The following LRRIQ1 variants were observed in gnomAD, a reference collection of about 807,000 sequenced individuals.
LRRIQ1 encodes the protein leucine rich repeats and IQ motif containing 1.
A neutral mutation model predicts 211.9 loss-of-function variants in LRRIQ1; 210 were observed. The ratio of observed to expected loss-of-function variants is 0.99; its 90% CI spans 0.89 to 1.11. The LOEUF (loss-of-function observed/expected upper bound fraction) is 1.11. LRRIQ1 is among the 50% of genes most tolerant of loss of function. The probability of loss-of-function intolerance (pLI) is 0.00; values close to 1 mark genes in which losing one functional copy is unlikely to be tolerated. For synonymous variants in LRRIQ1, 699 were observed against 650.1 expected (o/e 1.08, Z -1.14); for missense variants, 2,136 against 1,939.5 (o/e 1.10, Z -1.90).
chr12:85,137,954 T>A lies in LRRIQ1; in HGVS notation c.4314T>A (p.Asp1438Glu). ...AATACAGAGAAATAGATTTAGAGGATTTTATATTTGATGAAGTAAGTACGA... is the reference window on the plus strand; with the variant it reads ...AATACAGAGAAATAGATTTAGAGGAATTTATATTTGATGAAGTAAGTACGA... ...DEEYREIDLE[D>E]FIFDEAALEE... Residue 1438 changes from aspartate (D) to glutamate (E), a missense_variant, in exon 19 of 27, where the codon GAT becomes GAA. By Grantham distance (45) the Asp-to-Glu change is conservative. Transcript: ENST00000393217. 6.9e-7 allele frequency: 1 copy of A among 1,453,654 alleles called. No individual in the cohort carries two copies. Among genetic ancestry groups the A allele is most frequent in the Non-Finnish European group, 9.6e-7 (1 of 1,046,608 alleles). The allele number at this position is 1,453,654 out of a possible 1,614,324, so 90.0% of individuals were successfully genotyped here. A position where few individuals can be genotyped will look rare whatever the true frequency, so the allele number is the denominator to read the frequency against.
chr12:85,088,908 T>C (rs1885100568), intron 11 of LRRIQ1, among the ~76,000 whole-genome samples: 1 of 152,226 alleles, frequency 6.6e-6, no homozygotes, highest in Non-Finnish European at 1.5e-5. Context: ...TGACTTCCTC[T>C]TTTCCTAATT....
At chr12:85,210,482 G>A (rs957686541) in intron 24 of LRRIQ1, among the ~76,000 whole-genome samples, 1 of 152,150 alleles carries the variant, frequency 6.6e-6, no homozygotes, top group Non-Finnish European at 1.5e-5. Flanking sequence ...AAACTAAAAT[G>A]TAAATGTCTT....
intron 11 of LRRIQ1, among the ~76,000 whole-genome samples, chr12:85,089,386 G>A (rs1470360032): frequency 2.6e-5 from 4 of 152,348 alleles, no homozygotes; most frequent in African/African-American, 9.6e-5. Context: ...AGAGTTTGGA[G>A]GGCTTAGAAG....
intron 10 of LRRIQ1, among the ~76,000 whole-genome samples, chr12:85,068,933 A>T (rs1882747063): frequency 6.7e-6 from 1 of 150,104 alleles, no homozygotes; most frequent in Non-Finnish European, 1.5e-5. Flanking sequence ...TTATTTATTT[A>T]TTTATTTAAT....
Position 85,056,402 on chromosome 12 carries a change from G to C in LRRIQ1, c.1609G>C (p.Glu537Gln), listed in dbSNP as rs1161443022. 6.3e-7 allele frequency: 1 copy of C among 1,586,820 alleles called. No homozygotes were observed. The highest frequency in any genetic ancestry group is 8.5e-7 in the Non-Finnish European group (1 of 1,172,852). Residue 537 changes from glutamate (E) to glutamine (Q), a missense_variant, in exon 8 of 27, where the codon GAA (glutamate) becomes CAA (glutamine). Coordinates refer to ENST00000393217, the MANE Select transcript of LRRIQ1 (RefSeq NM_001079910.2). ...LQELKSDAQK[E>Q]EKIMKHVINE... is the part of the protein sequence containing the mutation. ...AGAATTAAAGTCTGATGCACAAAAA[G>C]AAGAAAAAATCATGAAACATGTCAT... is the stretch of plus-strand genomic sequence containing the variant.
At chr12:85,161,768 T>A (rs1008651703) in intron 24 of LRRIQ1, among the ~76,000 whole-genome samples, 2 of 152,066 alleles carry the variant, frequency 1.3e-5, no homozygotes, top group African/African-American at 4.8e-5. Context: ...AGTCTGGGCG[T>A]GATGGCTCAC....
chr12:85,167,389 G>A (rs1010690784), intron 24 of LRRIQ1, among the ~76,000 whole-genome samples: 2 of 152,132 alleles, frequency 1.3e-5, no homozygotes, highest in Non-Finnish European at 2.9e-5. Context: ...AAGCCAGCCC[G>A]AGTCTCAAAA....
At chr12:85,042,480 T>G (rs2135886970) in intron 3 of LRRIQ1, among the ~76,000 whole-genome samples, 1 of 148,376 alleles carries the variant, frequency 6.7e-6, no homozygotes, top group Admixed American at 6.7e-5. Context: ...TTATTAAATT[T>G]ATTATCATCA....
intron 26 of LRRIQ1, chr12:85,232,974 CAG>C (rs1593005004): frequency 2.2e-6 from 1 of 460,868 alleles, no homozygotes; most frequent in East Asian, 3.9e-5. Flanking sequence ...TTTTATGTGA[CAG>C]ATGTAAAAAT....
intron 7 of LRRIQ1, among the ~76,000 whole-genome samples, chr12:85,055,039 AG>A (rs1880814690): frequency 6.6e-6 from 1 of 152,262 alleles, no homozygotes; most frequent in South Asian, 2.1e-4. Flanking sequence ...ATATGTGAGT[AG>A]GCTGGTTCTG....
intron 10 of LRRIQ1, among the ~76,000 whole-genome samples, chr12:85,070,574 T>G (rs1172086714): frequency 6.6e-6 from 1 of 151,976 alleles, no homozygotes; most frequent in Non-Finnish European, 1.5e-5. Flanking sequence ...GTTTTTTGTT[T>G]GTTTGTTTAG....
intron 1 of LRRIQ1, among the ~76,000 whole-genome samples, chr12:85,259,023 A>G (rs1027433068): frequency 6.6e-6 from 1 of 152,058 alleles, no homozygotes; most frequent in Non-Finnish European, 1.5e-5. Context: ...TTAAAGGACC[A>G]GAACAAATCT....
intron 24 of LRRIQ1, among the ~76,000 whole-genome samples, chr12:85,206,818 C>A (rs1893574599): frequency 6.6e-6 from 1 of 152,054 alleles, no homozygotes; most frequent in Non-Finnish European, 1.5e-5. Flanking sequence ...GGGAGGCCGG[C>A]AGACAGAGGG....
chr12:85,147,261 G>A (rs1211268186), intron 19 of LRRIQ1, among the ~76,000 whole-genome samples: 2 of 151,676 alleles, frequency 1.3e-5, no homozygotes, highest in Non-Finnish European at 2.9e-5. Context: ...ACAGGAAGGG[G>A]CAAAAATCCA....
At chr12:85,135,318 T>C (rs888930770) in intron 18 of LRRIQ1, among the ~76,000 whole-genome samples, 1 of 151,878 alleles carries the variant, frequency 6.6e-6, no homozygotes, top group Non-Finnish European at 1.5e-5. Context: ...GATTCAGGTT[T>C]TTTTTTTAGC....
In LRRIQ1 at chr12:85,098,367, C is replaced by A; in HGVS notation, c.2900C>A (p.Ser967Tyr). 6.2e-7 allele frequency: 1 copy of A among 1,604,266 alleles called. No homozygotes were observed. Residue 967 changes from serine (S) to tyrosine (Y), a missense_variant, in exon 12 of 27, where the codon TCT becomes TAT. Physicochemically the swap from Ser to Tyr is moderately radical, Grantham distance 144. Transcript: ENST00000393217. ...SHLYWNCGLE[S>Y]LKNLQQLILD... ...TTTTTTCTTCTAGGTGGTTTAGAAT[C>A]TTTGAAAAATCTTCAACAACTAATT...
intron 3 of LRRIQ1, among the ~76,000 whole-genome samples, chr12:85,041,772 G>C (rs1327512303): frequency 2.0e-5 from 3 of 151,788 alleles, no homozygotes; most frequent in Non-Finnish European, 4.4e-5. Flanking sequence ...TGACTGTGTA[G>C]AGAATATGCC....
Position 85,133,069 on chromosome 12 carries a change from A to G in LRRIQ1, c.4210-4781A>G, listed in dbSNP as rs545008982. On this transcript the variant is annotated intron_variant, in intron 18 of 26. Transcript: ENST00000393217. ...TTTTCTTATTTGTTGAACTAAGTGA[A>G]TAAAGTTGTCAGAAATAAAGCATCA... is the stretch of plus-strand genomic sequence containing the variant. Among the ~76,000 whole-genome samples the G allele has an allele frequency of 1.1e-4, 17 of 152,260 alleles. No individual in the cohort carries two copies. In the South Asian group the frequency reaches 2.9e-3, roughly 26 times the overall value.
rs749984715 is a variant in LRRIQ1 at position 85,056,275 on chromosome 12, A to G, written c.1482A>G (p.Glu494=). 38 of 1,580,944 alleles carry G rather than the reference A, an allele frequency of 2.4e-5. No individual in the cohort carries two copies. Among genetic ancestry groups the G allele is most frequent in the Non-Finnish European group, 2.9e-5 (34 of 1,171,750 alleles). Residue 494 remains glutamate (E), a synonymous_variant, in exon 8 of 27, where the codon GAA becomes GAG. Transcript: ENST00000393217. ...NENLAKKRCS[E]ELVKQERKYE... The stretch of plus-strand genomic sequence containing the variant: ...ACCTAGCAAAAAAACGATGTTCAGA[A>G]GAATTGGTCAAGCAAGAAAGAAAAT...
Sources: allele counts gnomAD v4.1 joint callset (sites outside exome capture counted in the v4.1 genomes callset), GRCh38; gene constraint gnomAD v4.1.1; transcripts MANE v1.5; gene names NCBI Gene and HGNC (gene_info 2026-07-23, HGNC 2026-07-21).